IPMK: variants seen among roughly 807,000 people sequenced by gnomAD.
IPMK encodes the protein inositol 1,3,4,6-tetrakisphosphate 5-kinase.
Under a neutral mutation model 45.8 loss-of-function variants are expected in IPMK, and 17 were observed. The ratio of observed to expected loss-of-function variants is 0.37; its 90% CI spans 0.25 to 0.56. The LOEUF (loss-of-function observed/expected upper bound fraction) is 0.56. IPMK is among the 20% of genes least tolerant of loss of function. The probability of loss-of-function intolerance (pLI) is 0.79; values close to 1 mark genes in which losing one functional copy is unlikely to be tolerated. For synonymous variants in IPMK, 180 were observed against 184.3 expected (o/e 0.98, Z 0.19); for missense variants, 399 against 498.0 (o/e 0.80, Z 1.89).
At chr10:58,198,630 C>G (rs1837943804) in intron 5 of IPMK, among the ~76,000 whole-genome samples, 1 of 152,104 alleles carries the variant, frequency 6.6e-6, no homozygotes, top group Admixed American at 6.5e-5. Flanking sequence ...CTCTAAATAT[C>G]TTAGTAGAGC....
intron 3 of IPMK, among the ~76,000 whole-genome samples, chr10:58,217,836 T>G (rs1406636441): frequency 2.0e-5 from 3 of 151,630 alleles, no homozygotes; most frequent in African/African-American, 7.3e-5. Context: ...TTAGAGAAGG[T>G]GTTTATTTTC....
At chr10:58,197,898 G>A (rs1416683483) in intron 5 of IPMK, among the ~76,000 whole-genome samples, 5 of 151,862 alleles carry the variant, frequency 3.3e-5, no homozygotes, top group African/African-American at 9.7e-5. Flanking sequence ...GCATGGTGAC[G>A]CATGCCTGTA....
chr10:58,261,343 T>G (rs1839063218), intron 1 of IPMK, among the ~76,000 whole-genome samples: 1 of 151,552 alleles, frequency 6.6e-6, no homozygotes, highest in African/African-American at 2.4e-5. Context: ...GAGGAGTGGA[T>G]GGGGTGGAGT....
Position 58,267,622 on chromosome 10 carries a change from A to G in IPMK, c.-11T>C, listed in dbSNP as rs755070589. The G allele has an allele frequency of 2.5e-6, 4 of 1,575,242 alleles. No homozygotes were observed. Among genetic ancestry groups the G allele is most frequent in the Middle Eastern group, 2.2e-4 (1 of 4,604 alleles). Reference sequence around the variant, plus strand: ...TGGCTCTGTTGCCATAACGGAGAGCAGAAGCGGTAACGGCAGCGAGAGTAG... The same window carrying G: ...TGGCTCTGTTGCCATAACGGAGAGCGGAAGCGGTAACGGCAGCGAGAGTAG... On this transcript the variant is annotated 5_prime_UTR_variant, in exon 1 of 6. Transcript: ENST00000373935.
chr10:58,230,076 C>G (rs551036254), intron 2 of IPMK, among the ~76,000 whole-genome samples: 15 of 152,174 alleles, frequency 9.9e-5, no homozygotes, highest in Non-Finnish European at 1.8e-4. Flanking sequence ...AGTCTGAGAT[C>G]GAACTGCGAG....
At chr10:58,215,402 G>A (rs1321327443) in intron 4 of IPMK, among the ~76,000 whole-genome samples, 1 of 106,286 alleles carries the variant, frequency 9.4e-6, no homozygotes, top group Non-Finnish European at 1.8e-5. Context: ...TTTTTTGGTA[G>A]GGGGGTGGCG....
At chr10:58,196,998 C>T (rs1837905053) in intron 5 of IPMK, among the ~76,000 whole-genome samples, 2 of 152,210 alleles carry the variant, frequency 1.3e-5, no homozygotes, top group South Asian at 4.1e-4. Flanking sequence ...TCACTATATT[C>T]TCTTAAGAAA....
At chr10:58,242,583 A>G (rs906518946) in intron 1 of IPMK, among the ~76,000 whole-genome samples, 1 of 152,200 alleles carries the variant, frequency 6.6e-6, no homozygotes, top group Non-Finnish European at 1.5e-5. Context: ...AAAGCTTTCT[A>G]CAGGCTCATC....
chr10:58,194,083 G>A lies in IPMK; in HGVS notation c.*1993C>T, dbSNP rs545362403. On this transcript the variant is annotated 3_prime_UTR_variant, in exon 6 of 6. Coordinates refer to ENST00000373935, the MANE Select transcript of IPMK (RefSeq NM_152230.5). ...TTACAAAATTGTATTTCCAAATGCA[G>A]ATAAAAAAATCTTGAACATTAAGAT... 4 of 151,820 alleles carry A rather than the reference G, an allele frequency of 2.6e-5. No individual in the cohort carries two copies. Among genetic ancestry groups the A allele is most frequent in the Admixed American group, 6.5e-5 (1 of 15,270 alleles). 9.4% of individuals were successfully genotyped at this position (151,820 alleles called of 1,614,324 possible). A position where few individuals can be genotyped will look rare whatever the true frequency, so the allele number is the denominator to read the frequency against.
At chr10:58,254,598 T>C (rs1028446570) in intron 1 of IPMK, among the ~76,000 whole-genome samples, 6 of 152,264 alleles carry the variant, frequency 3.9e-5, no homozygotes, top group African/African-American at 1.2e-4. Context: ...CCATACTTCG[T>C]TGGATTTTCA....
At chr10:58,221,288 T>C (rs1239698213) in intron 3 of IPMK, among the ~76,000 whole-genome samples, 2 of 151,822 alleles carry the variant, frequency 1.3e-5, no homozygotes, top group Non-Finnish European at 2.9e-5. Flanking sequence ...GTTTCCCAAA[T>C]CTCCTCACTT....
intron 2 of IPMK, among the ~76,000 whole-genome samples, chr10:58,233,622 C>G (rs1401467879): frequency 6.6e-6 from 1 of 151,924 alleles, no homozygotes; most frequent in Non-Finnish European, 1.5e-5. Flanking sequence ...ATTCAACAGC[C>G]CTTCATTAAA....
At chr10:58,234,414 A>G (rs1373793930) in intron 2 of IPMK, among the ~76,000 whole-genome samples, 1 of 152,226 alleles carries the variant, frequency 6.6e-6, no homozygotes, top group Middle Eastern at 3.2e-3. Context: ...ACTTCAAACT[A>G]TACTTCAAGG....
intron 1 of IPMK, among the ~76,000 whole-genome samples, chr10:58,263,744 C>T (rs1380119178): frequency 6.6e-6 from 1 of 152,148 alleles, no homozygotes. Flanking sequence ...ATCAGACAAC[C>T]AGAAATAATC....
At chr10:58,259,460 TAATGAATGAATGAATGAATG>T (rs138646652) in intron 1 of IPMK, among the ~76,000 whole-genome samples, 1 of 149,730 alleles carries the variant, frequency 6.7e-6, no homozygotes, top group Non-Finnish European at 1.5e-5. Flanking sequence ...TCCACCTTAA[TAATGAATGAATGAATGAATG>T]AATGAATGAA....
intron 4 of IPMK, among the ~76,000 whole-genome samples, chr10:58,203,419 C>A (rs1838025105): frequency 6.6e-6 from 1 of 152,224 alleles, no homozygotes; most frequent in Non-Finnish European, 1.5e-5. Flanking sequence ...TGTACTCAAG[C>A]AATCCTCCCA....
chr10:58,204,828 A>G (rs1042885855), intron 4 of IPMK, among the ~76,000 whole-genome samples: 7 of 152,200 alleles, frequency 4.6e-5, no homozygotes, highest in African/African-American at 1.4e-4. Flanking sequence ...AAAAAAGAAC[A>G]AAATTGGAGG....
chr10:58,233,326 C>G (rs560512022), intron 2 of IPMK, among the ~76,000 whole-genome samples: 1 of 152,140 alleles, frequency 6.6e-6, no homozygotes, highest in East Asian at 1.9e-4. Flanking sequence ...TTTTATGAGG[C>G]CAACATCATC....
intron 3 of IPMK, among the ~76,000 whole-genome samples, chr10:58,222,328 G>T (rs1490640765): frequency 1.3e-5 from 2 of 152,126 alleles, no homozygotes; most frequent in African/African-American, 4.8e-5. Flanking sequence ...ACAAGTAAAG[G>T]CAGAATTTTG....
Sources: gnomAD v4.1 joint callset for allele counts (sites outside exome capture counted in the v4.1 genomes callset) on GRCh38, gnomAD v4.1.1 for gene constraint, MANE v1.5 for transcripts, NCBI Gene and HGNC (gene_info 2026-07-23, HGNC 2026-07-21) for gene names.